PAN3: variants seen among roughly 807,000 people sequenced by gnomAD.
PAN3 encodes poly(A) specific ribonuclease subunit PAN3.
PAN3 carries 19 observed loss-of-function variants against 96.2 expected under a neutral mutation model. The observed-to-expected ratio is 0.20, with a 90% CI of 0.14 to 0.29. The LOEUF is 0.29. PAN3 is among the 10% of genes least tolerant of loss of function. The pLI, the probability that PAN3 is intolerant of heterozygous loss-of-function variation, is 1.00. For synonymous variants in PAN3, 433 were observed against 406.6 expected (o/e 1.06, Z -0.78); for missense variants, 882 against 1,108.1 (o/e 0.80, Z 2.90).
intron 1 of PAN3, among the ~76,000 whole-genome samples, chr13:28,160,997 G>C (rs1056704844): frequency 1.3e-5 from 2 of 152,138 alleles, no homozygotes; most frequent in Non-Finnish European, 2.9e-5. Context: ...TTAGTACTAG[G>C]AAAAATGGTT....
At chr13:28,270,888 GTTTC>G in intron 13 of PAN3, 22 bp downstream of exon 13, 3 of 1,607,190 alleles carry the variant, frequency 1.9e-6, no homozygotes, top group Non-Finnish European at 2.6e-6. Flanking sequence ...TTGAGTTTTG[GTTTC>G]TTTTATTGAG....
chr13:28,202,268 C>G (rs1159969899), intron 5 of PAN3, among the ~76,000 whole-genome samples: 1 of 152,178 alleles, frequency 6.6e-6, no homozygotes, highest in African/African-American at 2.4e-5. Flanking sequence ...AAGATCTGTT[C>G]TAAATCTTGA....
At chr13:28,214,900 A>G (rs1465593187) in intron 5 of PAN3, 4 of 1,019,432 alleles carry the variant, frequency 3.9e-6, no homozygotes, top group Admixed American at 1.7e-5. Context: ...AGTAGCTCCA[A>G]GAATGGGCAG....
chr13:28,174,534 C>G, intron 2 of PAN3, 141 bp downstream of exon 2: 2 of 977,920 alleles, frequency 2.0e-6, no homozygotes, highest in South Asian at 3.6e-5. Flanking sequence ...TGTAGGTAAA[C>G]TATCTCCCAT....
chr13:28,154,459 C>G lies in PAN3; in HGVS notation c.430+15372C>G, dbSNP rs146925300. Among the ~76,000 whole-genome samples the G allele has an allele frequency of 3.7e-3, 566 of 151,930 alleles. 2 individuals carry two copies. Among genetic ancestry groups the G allele is most frequent in the Middle Eastern group, 6.8e-3 (2 of 294 alleles). On this transcript the variant is annotated intron_variant, in intron 1 of 18. Coordinates refer to ENST00000380958, the MANE Select transcript of PAN3 (RefSeq NM_175854.8). ...TAGATATGACAACTTCCTTAAGAGC[C>G]AGTTTGCCAGATAGACCTTGCAGTT...
At chr13:28,282,559 A>T (rs1442237196) in intron 17 of PAN3, among the ~76,000 whole-genome samples, 2 of 152,226 alleles carry the variant, frequency 1.3e-5, no homozygotes, top group African/African-American at 4.8e-5. Context: ...TATATAATTC[A>T]GCTAATGACT....
chr13:28,241,516 T>C (rs992859906), intron 6 of PAN3, among the ~76,000 whole-genome samples: 11 of 152,202 alleles, frequency 7.2e-5, no homozygotes, highest in African/African-American at 2.7e-4. Flanking sequence ...TCTGAAGCAC[T>C]GAAATAACAA....
rs1186962331 is a variant in PAN3, at chr13:28,174,338, T to C, written c.497T>C (p.Phe166Ser). 7 of 1,612,570 alleles carry C rather than the reference T, an allele frequency of 4.3e-6. No homozygotes were observed. In the East Asian group the frequency reaches 1.6e-4, roughly 36 times the overall value. The change falls in exon 2 of 19, where the codon TTT becomes TCT. Residue 166 changes from phenylalanine to serine, a missense_variant. Physicochemically the swap from Phe to Ser is radical, Grantham distance 155. Around this residue, in one of 3 missense-constraint regions of PAN3, gnomAD observed 442 missense variants for 422.8 expected, o/e 1.05. Coordinates refer to ENST00000380958, the MANE Select transcript of PAN3 (RefSeq NM_175854.8). ...ACAGATTCCTATTTTAGCACCAGCT[T>C]TATTGGAGTCAATGGATTTGGAAGC... Reference protein sequence around the residue: ...SLTDSYFSTSFIGVNGFGSPV... With the variant: ...SLTDSYFSTSSIGVNGFGSPV...
intron 6 of PAN3, among the ~76,000 whole-genome samples, chr13:28,254,422 ATTAC>A (rs1199532601): frequency 2.6e-5 from 4 of 152,186 alleles, no homozygotes; most frequent in African/African-American, 9.6e-5. Context: ...GTTCTGTTGT[ATTAC>A]TTAATGTCAT....
chr13:28,144,715 C>T (rs918953799), intron 1 of PAN3, among the ~76,000 whole-genome samples: 5 of 86,476 alleles, frequency 5.8e-5, no homozygotes, highest in Non-Finnish European at 1.1e-4. Context: ...ACCAAAACAT[C>T]ATCTTTTTTT....
chr13:28,235,348 C>T (rs1228166847), intron 6 of PAN3, among the ~76,000 whole-genome samples: 1 of 152,216 alleles, frequency 6.6e-6, no homozygotes, highest in Non-Finnish European at 1.5e-5. Flanking sequence ...ATACTGCCAT[C>T]TTTCTTTTCT....
intron 6 of PAN3, among the ~76,000 whole-genome samples, chr13:28,255,425 T>C (rs1258889229): frequency 1.3e-5 from 2 of 152,198 alleles, no homozygotes; most frequent in Non-Finnish European, 2.9e-5. Context: ...TTTATGTCTT[T>C]TACATGTGAC....
At chr13:28,251,348 A>G (rs141046925) in intron 6 of PAN3, among the ~76,000 whole-genome samples, 1 of 152,246 alleles carries the variant, frequency 6.6e-6, no homozygotes, top group African/African-American at 2.4e-5. Flanking sequence ...TTTAAGTGCG[A>G]TTATTTTCTG....
intron 5 of PAN3, among the ~76,000 whole-genome samples, chr13:28,200,242 A>G (rs1002621223): frequency 6.6e-6 from 1 of 152,138 alleles, no homozygotes; most frequent in Non-Finnish European, 1.5e-5. Flanking sequence ...TTGTATAGAC[A>G]CGGGCTGTAA....
intron 5 of PAN3, among the ~76,000 whole-genome samples, chr13:28,205,956 C>T (rs1879299740): frequency 6.6e-6 from 1 of 151,286 alleles, no homozygotes; most frequent in South Asian, 2.1e-4. Context: ...CTGTCTCAGA[C>T]AAATAGGTGT....
At chr13:28,162,060 A>G (rs960900480) in intron 1 of PAN3, among the ~76,000 whole-genome samples, 1 of 152,220 alleles carries the variant, frequency 6.6e-6, no homozygotes, top group Non-Finnish European at 1.5e-5. Context: ...ACTTTTTGCA[A>G]ATAAATAAGT....
intron 18 of PAN3, 64 bp downstream of exon 18, chr13:28,288,186 T>G (rs1869220434): frequency 2.2e-6 from 3 of 1,393,592 alleles, no homozygotes; most frequent in Non-Finnish European, 2.9e-6. Flanking sequence ...AGTTGTATCT[T>G]CTACAAATAC....
intron 6 of PAN3, among the ~76,000 whole-genome samples, chr13:28,242,267 G>A (rs7329092): frequency 0.12 from 18,632 of 152,058 alleles, 1,797 homozygotes; most frequent in African/African-American, 0.27. Flanking sequence ...TACTTCTTCC[G>A]TGATGGCCTT....
chr13:28,151,163 G>A (rs1043073611), intron 1 of PAN3, among the ~76,000 whole-genome samples: 1 of 152,132 alleles, frequency 6.6e-6, no homozygotes, highest in Non-Finnish European at 1.5e-5. Context: ...GAACAGGGAA[G>A]AATTAGGATT....
Sources: allele counts gnomAD v4.1 joint callset (sites outside exome capture counted in the v4.1 genomes callset), GRCh38; gene constraint gnomAD v4.1.1; regional missense constraint gnomAD v4.1.1; transcripts MANE v1.5; gene names NCBI Gene and HGNC (gene_info 2026-07-23, HGNC 2026-07-21).